AFG2A: variants seen among roughly 807,000 people sequenced by gnomAD.
AFG2A encodes ATPase family gene 2 protein homolog A.
At chr4:123,314,113 G>T in the AFG2A span, 2 of 1,428,344 alleles carry the variant, frequency 1.4e-6, no homozygotes, top group Non-Finnish European at 1.8e-6. Context: ...GAGAAAATTT[G>T]TTTCTTTTTA....
the AFG2A span, among the ~76,000 whole-genome samples, chr4:123,117,555 A>G: frequency 1.3e-5 from 2 of 151,304 alleles, no homozygotes. Flanking sequence ...AGAAACAGAC[A>G]TTGGAGAGTA....
At chr4:123,045,355 A>C in the AFG2A span, among the ~76,000 whole-genome samples, 2 of 152,190 alleles carry the variant, frequency 1.3e-5, no homozygotes, top group Non-Finnish European at 2.9e-5. Context: ...GTGTAACCAT[A>C]AAATTAGAAA....
the AFG2A span, among the ~76,000 whole-genome samples, chr4:123,095,691 T>G: frequency 9.5e-6 from 1 of 105,538 alleles, no homozygotes; most frequent in Non-Finnish European, 1.9e-5. Context: ...ACATTTTATG[T>G]TTTTAGGCTA....
At chr4:123,247,546 T>A in the AFG2A span, among the ~76,000 whole-genome samples, 1 of 152,052 alleles carries the variant, frequency 6.6e-6, no homozygotes, top group South Asian at 2.1e-4. Context: ...CAGCTGGGAC[T>A]ACAGGTGTGT....
chr4:123,023,054 A>G, the AFG2A span, among the ~76,000 whole-genome samples: 4 of 128,190 alleles, frequency 3.1e-5, no homozygotes, highest in African/African-American at 2.8e-5. Context: ...GGGAGGGGGG[A>G]GGGATAGCAT....
the AFG2A span, among the ~76,000 whole-genome samples, chr4:122,998,128 C>G: frequency 1.3e-5 from 2 of 151,988 alleles, no homozygotes; most frequent in East Asian, 1.9e-4. Flanking sequence ...CTTTGAAGCA[C>G]AAAAGTTTAA....
the AFG2A span, among the ~76,000 whole-genome samples, chr4:123,002,925 A>G: frequency 2.0e-3 from 298 of 152,264 alleles, no homozygotes; most frequent in African/African-American, 5.8e-3. Context: ...CATTCTCCCC[A>G]TCACTTTCAG....
the AFG2A span, chr4:123,316,527 A>G: frequency 1.3e-5 from 2 of 152,218 alleles, no homozygotes; most frequent in Admixed American, 1.3e-4. Context: ...ATTATGAAAC[A>G]AGAGAGGAAC....
the AFG2A span, among the ~76,000 whole-genome samples, chr4:123,078,609 A>G: frequency 0.041 from 6,203 of 152,240 alleles, 407 homozygotes; most frequent in African/African-American, 0.14. Flanking sequence ...CAGGTTATCA[A>G]TAAATATTTA....
chr4:122,936,981 G>GA, the AFG2A span, among the ~76,000 whole-genome samples: 6 of 151,810 alleles, frequency 4.0e-5, no homozygotes, highest in Non-Finnish European at 8.8e-5. Flanking sequence ...ACTTTGACTC[G>GA]AAAAAATAAA....
chr4:123,106,649 C>G, the AFG2A span, among the ~76,000 whole-genome samples: 1 of 152,246 alleles, frequency 6.6e-6, no homozygotes, highest in East Asian at 1.9e-4. Flanking sequence ...CCCATTTACA[C>G]AGACCTGCAT....
the AFG2A span, among the ~76,000 whole-genome samples, chr4:123,056,769 T>C: frequency 6.6e-6 from 1 of 152,242 alleles, no homozygotes; most frequent in Admixed American, 6.5e-5. Flanking sequence ...TCTTACTGTT[T>C]CAGGCATTGT....
the AFG2A span, among the ~76,000 whole-genome samples, chr4:123,086,608 CTTCT>C: frequency 5.3e-5 from 8 of 152,070 alleles, no homozygotes; most frequent in African/African-American, 1.7e-4. Context: ...TATTGGTTCT[CTTCT>C]TTCTTCTTTT....
At chr4:123,115,317 T>TG in the AFG2A span, among the ~76,000 whole-genome samples, 1 of 151,916 alleles carries the variant, frequency 6.6e-6, no homozygotes, top group Non-Finnish European at 1.5e-5. Context: ...CACTCCGACG[T>TG]GGGGTGGATC....
At chr4:123,027,771 A>T in the AFG2A span, among the ~76,000 whole-genome samples, 1 of 152,214 alleles carries the variant, frequency 6.6e-6, no homozygotes, top group Non-Finnish European at 1.5e-5. Context: ...TTCTATAAAG[A>T]TCTACAAAAA....
At chr4:123,163,643 C>A in the AFG2A span, among the ~76,000 whole-genome samples, 1 of 152,120 alleles carries the variant, frequency 6.6e-6, no homozygotes, top group African/African-American at 2.4e-5. Context: ...TACAGACTTA[C>A]GTGGATTGGA....
the AFG2A span, among the ~76,000 whole-genome samples, chr4:123,093,097 A>C: frequency 2.6e-5 from 4 of 152,286 alleles, no homozygotes; most frequent in South Asian, 8.3e-4. Context: ...AGGGTGATAC[A>C]GGACAGGCCA....
At chr4:123,034,587 A>G in the AFG2A span, among the ~76,000 whole-genome samples, 921 of 138,328 alleles carry the variant, frequency 6.7e-3, 14 homozygotes, top group African/African-American at 0.021. Flanking sequence ...AAAAAAAAGG[A>G]CATTAGGGAA....
chr4:123,026,738 G>T, the AFG2A span, among the ~76,000 whole-genome samples: 2 of 152,090 alleles, frequency 1.3e-5, no homozygotes, highest in South Asian at 2.1e-4. Flanking sequence ...ACAACATGGG[G>T]TCTATACATA....
Sources: gnomAD v4.1 joint callset for allele counts (sites outside exome capture counted in the v4.1 genomes callset) on GRCh38, gnomAD v4.1.1 for gene constraint, MANE v1.5 for transcripts, NCBI Gene and HGNC (gene_info 2026-07-23, HGNC 2026-07-21) for gene names.